The following C5orf47 variants were observed in gnomAD, a reference collection of about 807,000 sequenced individuals.
The protein encoded by C5orf47 is uncharacterized protein C5orf47.
A neutral mutation model predicts 20.6 loss-of-function variants in C5orf47; 20 were observed. That is an observed-to-expected ratio of 0.97 (90% confidence interval 0.68 to 1.41). C5orf47 has a LOEUF of 1.41. Ranked by LOEUF, C5orf47 falls within the 40% of genes most tolerant of loss-of-function variation. C5orf47 has a pLI of 0.00. For missense variants in C5orf47, 262 were observed against 238.4 expected, an observed-to-expected ratio of 1.10 and a Z score of -0.65; for synonymous variants, 106 against 97.3, an observed-to-expected ratio of 1.09 and a Z score of -0.53.
chr5:174,007,277 A>G (rs1223361137), downstream of C5orf47, among the ~76,000 whole-genome samples: 1 of 152,178 alleles, frequency 6.6e-6, no homozygotes, highest in African/African-American at 2.4e-5. Context: ...AATAATAATA[A>G]TGAGATCACA....
At chr5:173,998,654 A>G (rs1322000270) in intron 2 of C5orf47, among the ~76,000 whole-genome samples, 5 of 152,214 alleles carry the variant, frequency 3.3e-5, no homozygotes, top group African/African-American at 1.2e-4. Context: ...CTAGCAGGCA[A>G]TCTGAGAAGG....
chr5:173,998,114 T>A, intron 1 of C5orf47, 39 bp from the exon 2 acceptor site: 2 of 1,171,568 alleles, frequency 1.7e-6, no homozygotes, highest in East Asian at 5.1e-5. Flanking sequence ...AGTAAATCCT[T>A]ATATATGTTG....
intron 1 of C5orf47, among the ~76,000 whole-genome samples, chr5:173,993,871 T>C (rs1227560196): frequency 6.6e-6 from 1 of 152,224 alleles, no homozygotes; most frequent in African/African-American, 2.4e-5. Flanking sequence ...TTAACTAGGC[T>C]CAAGCACATC....
At chr5:174,007,189 T>C (rs999439709), downstream of C5orf47, among the ~76,000 whole-genome samples, 3 of 152,074 alleles carry the variant, frequency 2.0e-5, no homozygotes, top group Non-Finnish European at 1.5e-5. Flanking sequence ...GTAAGAGTTA[T>C]CACAACGAGG....
intron 1 of C5orf47, among the ~76,000 whole-genome samples, chr5:173,990,312 G>C (rs551797739): frequency 6.6e-6 from 1 of 150,432 alleles, no homozygotes; most frequent in South Asian, 2.1e-4. Flanking sequence ...GGGGGGCGGG[G>C]GGGTCTCCCT....
intron 1 of C5orf47, among the ~76,000 whole-genome samples, chr5:173,991,852 C>T (rs1408855470): frequency 6.6e-6 from 1 of 152,118 alleles, no homozygotes; most frequent in African/African-American, 2.4e-5. Context: ...CTTTTCTATG[C>T]TCTTGGATAA....
rs1277057001 is a variant in C5orf47 at position 174,004,547 on chromosome 5, T to G, written c.*293T>G. On this transcript the variant is annotated 3_prime_UTR_variant, in exon 5 of 5. Transcript: ENST00000340147. The stretch of plus-strand genomic sequence containing the variant: ...TTTAAATTAACCTCATACATAAAAT[T>G]AAATTAGCATATCAATGCAATTGCA... 6.6e-6 allele frequency: 1 copy of G among 152,310 alleles called. No homozygotes were observed. The highest frequency in any genetic ancestry group is 1.5e-5 in the Non-Finnish European group (1 of 68,014). The allele number at this position is 152,310 out of a possible 1,614,324, so 9.4% of individuals were successfully genotyped here.
At position 174,000,518 on chromosome 5, in the gene C5orf47, G is replaced by A. The variant is rs1759176825; in HGVS notation, c.512-678G>A. Among the ~76,000 whole-genome samples the A allele has an allele frequency of 2.0e-5, 3 of 152,050 alleles. No individual in the cohort carries two copies. The South Asian group carries it at 6.2e-4, about 32-fold the overall frequency. ...TTTCTTTAACATGTCTTTCTTTCCT[G>A]CACATGCTATCATGAATGTTTCTGT... is the stretch of plus-strand genomic sequence containing the variant. On this transcript the variant is annotated intron_variant, in intron 3 of 4. Coordinates refer to ENST00000340147, the MANE Select transcript of C5orf47 (RefSeq NM_001144954.2).
Position 173,998,222 on chromosome 5 carries a change from TGAAGAAAAAGAAAAAGG to T in C5orf47, c.396_411+1del. ...CCATTGAATGAAGCTTCCAAAATAA[TGAAGAAAAAGAAAAAGG>T]TATATTGCTGTAAAGGAGAATGAGC... On this transcript the variant is annotated splice_donor_variant and coding_sequence_variant, in exon 2 of 5. Transcript: ENST00000340147. LOFTEE classifies it high-confidence loss of function. 6.5e-7 allele frequency: 1 copy of T among 1,529,982 alleles called. No homozygotes were observed. The highest frequency in any genetic ancestry group is 8.8e-7 in the Non-Finnish European group (1 of 1,132,142). 94.8% of individuals were successfully genotyped at this position (1,529,982 alleles called of 1,614,324 possible).
intron 4 of C5orf47, 96 bp from the exon 5 acceptor site, chr5:174,004,175 T>G (rs1759246128): frequency 6.6e-6 from 1 of 152,342 alleles, no homozygotes; most frequent in Admixed American, 6.5e-5. Context: ...TTCTAACTGT[T>G]GCTTTATAGC....
At chr5:173,992,554 A>T (rs933753452) in intron 1 of C5orf47, among the ~76,000 whole-genome samples, 6 of 151,988 alleles carry the variant, frequency 3.9e-5, no homozygotes, top group African/African-American at 1.4e-4. Flanking sequence ...GTGAGCAGGG[A>T]ATTTAATTCA....
Sources: allele counts gnomAD v4.1 joint callset (sites outside exome capture counted in the v4.1 genomes callset), GRCh38; gene constraint gnomAD v4.1.1; transcripts MANE v1.5; gene names NCBI Gene and HGNC (gene_info 2026-07-23, HGNC 2026-07-21).